DACH2: variants seen among roughly 807,000 people sequenced by gnomAD.
The protein encoded by DACH2 is dachshund homolog 2.
In DACH2, 17 loss-of-function variants were observed where a neutral mutation model predicts 35.8. The observed-to-expected ratio is 0.48, with a 90% CI of 0.33 to 0.71. The LOEUF is 0.71. DACH2 is among the 30% of genes least tolerant of loss of function. DACH2 has a pLI of 0.02. For missense variants in DACH2, 469 were observed against 472.7 expected, an observed-to-expected ratio of 0.99 and a Z score of 0.07; for synonymous variants, 195 against 177.3, an observed-to-expected ratio of 1.10 and a Z score of -0.79.
At chrX:86,290,138 A>T in intron 1 of DACH2, among the ~76,000 whole-genome samples, 1 of 86,818 alleles carries the variant, frequency 1.2e-5, no homozygotes, top group Non-Finnish European at 2.2e-5. Flanking sequence ...ATGGTATCTC[A>T]TAGTGGTTTT....
chrX:86,398,116 G>A (rs902180713), intron 2 of DACH2, among the ~76,000 whole-genome samples: 67 of 111,806 alleles, frequency 6.0e-4, no homozygotes, highest in Middle Eastern at 4.6e-3. Context: ...TTTAGTCTTC[G>A]GATGGTGTAT....
intron 1 of DACH2, among the ~76,000 whole-genome samples, chrX:86,337,436 G>A (rs1427089266): frequency 2.7e-5 from 3 of 111,865 alleles, no homozygotes; most frequent in Non-Finnish European, 5.6e-5. Context: ...CATTCTTAGA[G>A]AAAATAATTT....
At chrX:86,445,387 T>C (rs1329133922) in intron 2 of DACH2, among the ~76,000 whole-genome samples, 11 of 89,635 alleles carry the variant, frequency 1.2e-4, no homozygotes, top group African/African-American at 2.9e-4. Context: ...AGGGATAGCA[T>C]TGGGAGATAT....
chrX:86,194,343 T>C (rs1456510997), intron 1 of DACH2, among the ~76,000 whole-genome samples: 1 of 111,279 alleles, frequency 9.0e-6, no homozygotes, highest in Non-Finnish European at 1.9e-5. Context: ...TTAGATAAAT[T>C]TGAACTGGAT....
At chrX:86,774,419 G>A (rs746815743) in intron 7 of DACH2, among the ~76,000 whole-genome samples, 31 of 111,910 alleles carry the variant, frequency 2.8e-4, no homozygotes, top group Non-Finnish European at 5.5e-4. Context: ...CAGTTTGAAA[G>A]GTGGTTTTAA....
intron 2 of DACH2, among the ~76,000 whole-genome samples, chrX:86,494,820 A>G (rs192133749): frequency 8.9e-5 from 10 of 112,535 alleles, no homozygotes; most frequent in African/African-American, 2.9e-4. Flanking sequence ...ATTTACAAAT[A>G]TGAGTAGTAT....
chrX:86,424,442 T>C, intron 2 of DACH2, among the ~76,000 whole-genome samples: 1 of 111,437 alleles, frequency 9.0e-6, no homozygotes, highest in Non-Finnish European at 1.9e-5. Flanking sequence ...TATGTGTGGG[T>C]ATTGTAAATG....
At chrX:86,211,836 A>T (rs921106845) in intron 1 of DACH2, among the ~76,000 whole-genome samples, 1 of 111,822 alleles carries the variant, frequency 8.9e-6, no homozygotes, top group African/African-American at 3.2e-5. Flanking sequence ...ATTTTATTTC[A>T]ACTAGCAGTT....
intron 3 of DACH2, among the ~76,000 whole-genome samples, chrX:86,527,339 A>G (rs768174722): frequency 1.7e-4 from 19 of 111,761 alleles, no homozygotes; most frequent in Non-Finnish European, 3.2e-4. Context: ...CCTTTCTATT[A>G]CTACACCCTT....
rs751155953 is a variant in DACH2, at chrX:86,506,386, C to G, written c.528-7893C>G. 5.4e-5 allele frequency among the ~76,000 whole-genome samples: 6 copies of G among 111,258 alleles called. No homozygotes were observed. The East Asian group carries it at 1.7e-3, about 31-fold the overall frequency. Reference sequence around the variant, plus strand: ...GGTATGTTCTTTGTTTTTCTTTGCACTTTATTTTATTTATTTATTATTTTT... The same window carrying G: ...GGTATGTTCTTTGTTTTTCTTTGCAGTTTATTTTATTTATTTATTATTTTT... On this transcript the variant is annotated intron_variant, in intron 2 of 11. Coordinates refer to ENST00000373125, the MANE Select transcript of DACH2 (RefSeq NM_053281.3).
intron 7 of DACH2, among the ~76,000 whole-genome samples, chrX:86,786,019 G>A (rs747175388): frequency 9.0e-6 from 1 of 110,930 alleles, no homozygotes; most frequent in South Asian, 3.8e-4. Context: ...AATCTATAAC[G>A]TTATACATGA....
chrX:86,283,977 A>G (rs1275898052), intron 1 of DACH2, among the ~76,000 whole-genome samples: 1 of 100,361 alleles, frequency 1.0e-5, no homozygotes, highest in Non-Finnish European at 1.9e-5. Context: ...TACTGAATTT[A>G]TCAGTTTTAA....
At chrX:86,728,639 C>A (rs1465576288) in intron 6 of DACH2, among the ~76,000 whole-genome samples, 1 of 112,635 alleles carries the variant, frequency 8.9e-6, no homozygotes. Context: ...GCCCAGGGCT[C>A]TGCTCCCCTG....
At chrX:86,316,054 A>G (rs1015845835) in intron 1 of DACH2, among the ~76,000 whole-genome samples, 1 of 110,816 alleles carries the variant, frequency 9.0e-6, no homozygotes, top group Non-Finnish European at 1.9e-5. Flanking sequence ...AGAGTTTTCT[A>G]TCAGCTCTCA....
At chrX:86,463,813 T>A (rs902762572) in intron 2 of DACH2, among the ~76,000 whole-genome samples, 1 of 111,119 alleles carries the variant, frequency 9.0e-6, no homozygotes, top group Non-Finnish European at 1.9e-5. Context: ...TACAAGGAAC[T>A]TAAACAAATT....
chrX:86,481,750 C>T (rs890256074), intron 2 of DACH2: 15 of 111,991 alleles, frequency 1.3e-4, no homozygotes, highest in Non-Finnish European at 2.4e-4. Context: ...ATCCCTGGAG[C>T]TCATATCATG....
At chrX:86,481,673 C>G (rs750427565) in intron 2 of DACH2, 2 of 111,931 alleles carry the variant, frequency 1.8e-5, no homozygotes, top group Non-Finnish European at 3.8e-5. Context: ...CTGCTTCATA[C>G]GAGAGTAATT....
At chrX:86,739,237 C>A (rs1049828302) in intron 6 of DACH2, among the ~76,000 whole-genome samples, 1 of 111,591 alleles carries the variant, frequency 9.0e-6, no homozygotes, top group African/African-American at 3.3e-5. Flanking sequence ...TTATAGGTAT[C>A]TAATATACAA....
intron 1 of DACH2, among the ~76,000 whole-genome samples, chrX:86,366,483 A>C (rs2035808303): frequency 9.0e-6 from 1 of 111,535 alleles, no homozygotes; most frequent in Middle Eastern, 4.7e-3. Flanking sequence ...TTGATAAATG[A>C]CAGCCTTGAT....
Sources: allele counts gnomAD v4.1 joint callset (sites outside exome capture counted in the v4.1 genomes callset), GRCh38; gene constraint gnomAD v4.1.1; transcripts MANE v1.5; gene names NCBI Gene and HGNC (gene_info 2026-07-23, HGNC 2026-07-21).